TTC39B: variants seen among roughly 807,000 people sequenced by gnomAD.
TTC39B encodes tetratricopeptide repeat protein 39B.
A neutral mutation model predicts 96.6 loss-of-function variants in TTC39B; 92 were observed. That is an observed-to-expected ratio of 0.95 (90% CI 0.80 to 1.13). TTC39B has a LOEUF of 1.13. Among genes scored for constraint, TTC39B ranks in the 50% most tolerant of loss-of-function variants. TTC39B has a pLI of 0.00. For synonymous variants in TTC39B, 367 were observed against 299.4 expected, an observed-to-expected ratio of 1.23 and a Z score of -2.33; for missense variants, 955 against 809.3, an observed-to-expected ratio of 1.18 and a Z score of -2.18.
At position 15,223,698 on chromosome 9, in the gene TTC39B, T is replaced by C. The variant is rs1457478675; in HGVS notation, c.371+2219A>G. On this transcript the variant is annotated intron_variant, in intron 3 of 19. Transcript: ENST00000512701. ...AAGACCTATCAATTAAAAGGCAGAG[T>C]GAGAATGTCTGTTGTTTAGTTTTTA... 4.9e-4 allele frequency among the ~76,000 whole-genome samples: 75 copies of C among 152,194 alleles called. 1 individual carries two copies. The highest frequency in any genetic ancestry group is 2.2e-4 in the Non-Finnish European group (15 of 68,042).
chr9:15,275,094 T>G (rs1183161469), intron 1 of TTC39B, among the ~76,000 whole-genome samples: 1 of 151,562 alleles, frequency 6.6e-6, no homozygotes, highest in East Asian at 1.9e-4. Context: ...CAGGCTGGAG[T>G]GCAATGGTGC....
chr9:15,289,110 A>G (rs544128557), intron 1 of TTC39B, among the ~76,000 whole-genome samples: 2 of 152,354 alleles, frequency 1.3e-5, no homozygotes, highest in Non-Finnish European at 1.5e-5. Context: ...CCACTGTATA[A>G]GTGAGGAAAC....
intron 1 of TTC39B, among the ~76,000 whole-genome samples, chr9:15,280,188 G>A (rs979636005): frequency 6.6e-6 from 1 of 152,018 alleles, no homozygotes; most frequent in Non-Finnish European, 1.5e-5. Flanking sequence ...GTGAGCCACC[G>A]TGCCCGGCCT....
intron 18 of TTC39B, among the ~76,000 whole-genome samples, chr9:15,176,060 C>T (rs769076097): frequency 6.6e-6 from 1 of 152,150 alleles, no homozygotes; most frequent in African/African-American, 2.4e-5. Flanking sequence ...TTCAAATTTA[C>T]ATTGTCTAAA....
intron 1 of TTC39B, 44 bp from the exon 2 acceptor site, chr9:15,267,992 A>G (rs988997860): frequency 3.8e-6 from 6 of 1,575,364 alleles, no homozygotes; most frequent in Non-Finnish European, 3.5e-6. Flanking sequence ...AGAATTCTCA[A>G]TGGGTTTCTC....
At position 15,229,975 on chromosome 9, in the gene TTC39B, G is replaced by GT. The variant is rs1293170989; in HGVS notation, c.276-3964dup. On this transcript the variant is annotated intron_variant, in intron 2 of 19. Transcript: ENST00000512701. Reference sequence around the variant, plus strand: ...ATTATTAGGAAATCTACAGAGAATTGTTGTCTTTATAACATTGCATCTTCA... The same window carrying GT: ...ATTATTAGGAAATCTACAGAGAATTGTTTGTCTTTATAACATTGCATCTTCA... Among the ~76,000 whole-genome samples, 7 of 152,306 alleles carry GT rather than the reference G, an allele frequency of 4.6e-5. No homozygotes were observed. The East Asian group carries it at 1.3e-3, about 29-fold the overall frequency.
At chr9:15,207,523 C>G (rs1819933569) in intron 6 of TTC39B, among the ~76,000 whole-genome samples, 1 of 152,044 alleles carries the variant, frequency 6.6e-6, no homozygotes, top group South Asian at 2.1e-4. Flanking sequence ...AGAGTTGTGG[C>G]TTAGGGAAAG....
At chr9:15,191,431 T>C (rs1474660460) in intron 9 of TTC39B, among the ~76,000 whole-genome samples, 176 bp from the exon 10 acceptor site, 1 of 152,238 alleles carries the variant, frequency 6.6e-6, no homozygotes, top group Non-Finnish European at 1.5e-5. Context: ...ATTAATTTCA[T>C]TTAGCTAAGA....
intron 3 of TTC39B, among the ~76,000 whole-genome samples, chr9:15,217,153 G>T (rs1564357451): frequency 6.6e-6 from 1 of 152,176 alleles, no homozygotes; most frequent in Non-Finnish European, 1.5e-5. Flanking sequence ...AACCATAGTG[G>T]CAGAGAGGAT....
intron 3 of TTC39B, among the ~76,000 whole-genome samples, chr9:15,216,761 C>T (rs1369725665): frequency 6.6e-6 from 1 of 152,132 alleles, no homozygotes; most frequent in Non-Finnish European, 1.5e-5. Flanking sequence ...TAAATATGTG[C>T]CAGGTACTCT....
chr9:15,166,007 G>A (rs1237766097), exon 20 of TTC39B: 1 of 152,070 alleles, frequency 6.6e-6, no homozygotes, highest in African/African-American at 2.4e-5. Context: ...CCCAAATGGT[G>A]CCCAACAGAC....
rs1223251634 is a variant in TTC39B at position 15,184,419 on chromosome 9, T to TA, written c.1614+860_1614+861insT. On this transcript the variant is annotated intron_variant, in intron 16 of 19. Transcript: ENST00000512701. ...AGGAATGATGAAATAAACTCTGAATTTAAAAAAAAAAAAAAAACTCAGGAA... is the reference window on the plus strand; with the variant it reads ...AGGAATGATGAAATAAACTCTGAATTATAAAAAAAAAAAAAAAACTCAGGAA... Among the ~76,000 whole-genome samples the TA allele has an allele frequency of 1.9e-4, 18 of 92,804 alleles. No homozygotes were observed. In the East Asian group the frequency reaches 3.6e-3, roughly 19 times the overall value. The allele number at this position is 92,804 out of a possible 152,430, so 60.9% of individuals were successfully genotyped here. A position where few individuals can be genotyped will look rare whatever the true frequency, so the allele number is the denominator to read the frequency against.
At chr9:15,233,418 C>T (rs2131436725) in intron 2 of TTC39B, among the ~76,000 whole-genome samples, 1 of 152,286 alleles carries the variant, frequency 6.6e-6, no homozygotes, top group East Asian at 1.9e-4. Context: ...CGAAGCTGGA[C>T]TGTACTGCTG....
intron 15 of TTC39B, chr9:15,186,672 T>C (rs569081261): frequency 1.5e-5 from 4 of 265,280 alleles, no homozygotes; most frequent in Admixed American, 1.1e-4. Context: ...CTAATGTTGA[T>C]GTTGATGCTA....
intron 1 of TTC39B, among the ~76,000 whole-genome samples, chr9:15,290,752 A>G (rs140959513): frequency 1.8e-4 from 28 of 152,296 alleles, no homozygotes; most frequent in African/African-American, 6.7e-4. Flanking sequence ...ACCTCACTGC[A>G]TATCTACCTC....
chr9:15,297,038 A>C (rs1824408423), intron 1 of TTC39B, among the ~76,000 whole-genome samples: 1 of 152,216 alleles, frequency 6.6e-6, no homozygotes, highest in African/African-American at 2.4e-5. Context: ...TCGGTAGCTA[A>C]GCATTCAAGG....
chr9:15,194,457 G>A (rs977366483), intron 8 of TTC39B, among the ~76,000 whole-genome samples: 4 of 152,178 alleles, frequency 2.6e-5, no homozygotes, highest in Non-Finnish European at 2.9e-5. Flanking sequence ...ATGTGCGTGT[G>A]TGTGTAAGTC....
At chr9:15,179,582 A>G (rs2051621920) in intron 17 of TTC39B, among the ~76,000 whole-genome samples, 1 of 152,258 alleles carries the variant, frequency 6.6e-6, no homozygotes, top group Non-Finnish European at 1.5e-5. Flanking sequence ...ATAAAATTCT[A>G]TCCATTGCTT....
At chr9:15,225,850 T>C in intron 3 of TTC39B, 67 bp downstream of exon 3, 1 of 1,434,754 alleles carries the variant, frequency 7.0e-7, no homozygotes, top group Admixed American at 1.8e-5. Context: ...AATATCAGTA[T>C]TATATTCCTT....
Sources: gnomAD v4.1 joint callset for allele counts (sites outside exome capture counted in the v4.1 genomes callset) on GRCh38, gnomAD v4.1.1 for gene constraint, MANE v1.5 for transcripts, NCBI Gene and HGNC (gene_info 2026-07-23, HGNC 2026-07-21) for gene names.